Variants in MERTK observed in about 807,000 individuals in gnomAD.
MERTK encodes MER proto-oncogene, tyrosine kinase.
Under a neutral mutation model 99.3 loss-of-function variants are expected in MERTK, and 69 were observed. That is an observed-to-expected ratio of 0.70 (90% CI 0.57 to 0.85). The LOEUF is 0.85. Among genes scored for constraint, MERTK ranks in the 40% least tolerant of loss-of-function variants. The probability of loss-of-function intolerance (pLI) is 0.00; values close to 1 mark genes in which losing one functional copy is unlikely to be tolerated. For synonymous variants in MERTK, 426 were observed against 467.6 expected, an observed-to-expected ratio of 0.91 and a Z score of 1.15; for missense variants, 1,125 against 1,249.4, an observed-to-expected ratio of 0.90 and a Z score of 1.50.
chr2:111,953,736 C>T (rs981879159), intron 4 of MERTK, among the ~76,000 whole-genome samples: 4 of 152,094 alleles, frequency 2.6e-5, no homozygotes, highest in Admixed American at 1.3e-4. Context: ...CTATCATGCC[C>T]GGCTCATTTT....
At position 111,898,643 on chromosome 2, in the gene MERTK, G is replaced by T; in HGVS notation, c.-93G>T. On this transcript the variant is annotated 5_prime_UTR_variant, in exon 1 of 19. Transcript: ENST00000295408. ...ACTGCCCGGGCCGCCCGGACAGGGA[G>T]CTTCGCTGGCGCGCTTGGCCGGCGA... The T allele has an allele frequency of 6.8e-7, 1 of 1,469,890 alleles. No individual in the cohort carries two copies. The highest frequency in any genetic ancestry group is 9.3e-7 in the Non-Finnish European group (1 of 1,074,290). 91.1% of individuals were successfully genotyped at this position (1,469,890 alleles called of 1,614,324 possible).
chr2:111,924,666 G>T (rs1421795802), intron 1 of MERTK, among the ~76,000 whole-genome samples: 1 of 152,102 alleles, frequency 6.6e-6, no homozygotes, highest in East Asian at 1.9e-4. Flanking sequence ...AACTTCTCCT[G>T]CCTCGACTGG....
chr2:111,966,283 A>G (rs1685356634), intron 5 of MERTK, among the ~76,000 whole-genome samples: 1 of 152,198 alleles, frequency 6.6e-6, no homozygotes, highest in Non-Finnish European at 1.5e-5. Context: ...AGTTATACTC[A>G]AAAAAGATGC....
In MERTK at chr2:112,028,921, T is replaced by A. The variant is rs886054760; in HGVS notation, c.*57T>A. 1.9e-5 allele frequency: 30 copies of A among 1,610,868 alleles called. No homozygotes were observed. The Admixed American group carries it at 4.9e-4, about 26-fold the overall frequency. On this transcript the variant is annotated 3_prime_UTR_variant, in exon 19 of 19. Transcript: ENST00000295408. ...AGCCAATTCTTCTGCTGTAGGAGAA[T>A]CCAATTGTACCTGATGTTTTTGGTA...
intron 2 of MERTK, among the ~76,000 whole-genome samples, chr2:111,931,705 G>A (rs994842901): frequency 4.1e-5 from 6 of 146,504 alleles, no homozygotes; most frequent in African/African-American, 1.5e-4. Flanking sequence ...AAAAAAAAAA[G>A]AAGTGAATGA....
chr2:111,934,057 C>T (rs2104691747), intron 2 of MERTK, among the ~76,000 whole-genome samples: 1 of 152,152 alleles, frequency 6.6e-6, no homozygotes, highest in Non-Finnish European at 1.5e-5. Flanking sequence ...TGAACTCATC[C>T]TTTTTTATGG....
At chr2:111,959,528 T>C (rs1207370027) in intron 4 of MERTK, among the ~76,000 whole-genome samples, 1 of 152,098 alleles carries the variant, frequency 6.6e-6, no homozygotes, top group East Asian at 1.9e-4. Context: ...CCTGACTCTG[T>C]CGCCCAGCCT....
intron 12 of MERTK, 118 bp from the exon 13 acceptor site, chr2:112,003,786 C>A: frequency 2.2e-6 from 2 of 913,060 alleles, no homozygotes; most frequent in Non-Finnish European, 3.6e-6. Flanking sequence ...CTCTGCCTGG[C>A]TGCCCGTGGG....
chr2:111,945,136 T>C (rs1684942099), intron 3 of MERTK, 76 bp downstream of exon 3: 2 of 1,175,768 alleles, frequency 1.7e-6, no homozygotes, highest in Admixed American at 1.8e-5. Flanking sequence ...TTGTGTATAA[T>C]ACTCTAGAGT....
intron 1 of MERTK, among the ~76,000 whole-genome samples, chr2:111,917,066 C>T (rs1214562481): frequency 6.6e-6 from 1 of 152,170 alleles, no homozygotes; most frequent in Non-Finnish European, 1.5e-5. Context: ...TCCCCAAACA[C>T]TAGAGTAGGG....
intron 4 of MERTK, among the ~76,000 whole-genome samples, chr2:111,950,756 C>G (rs1685040296): frequency 6.6e-6 from 1 of 152,080 alleles, no homozygotes; most frequent in Non-Finnish European, 1.5e-5. Context: ...GTCTTTTGCC[C>G]AATTCTATAA....
chr2:111,933,391 G>A (rs976243881), intron 2 of MERTK, among the ~76,000 whole-genome samples: 2 of 152,164 alleles, frequency 1.3e-5, no homozygotes, highest in Non-Finnish European at 2.9e-5. Flanking sequence ...CTGCAATTTT[G>A]CTGGAGTTGC....
intron 14 of MERTK, chr2:112,008,676 G>T: frequency 1.5e-6 from 1 of 672,754 alleles, no homozygotes; most frequent in Non-Finnish European, 2.7e-6. Context: ...GCATTTTCTG[G>T]ACGCTGATAG....
At position 112,028,687 on chromosome 2, in the gene MERTK, G is replaced by C; in HGVS notation, c.2823G>C (p.Leu941=). The C allele has an allele frequency of 6.2e-7, 1 of 1,614,198 alleles. No homozygotes were observed. The highest frequency in any genetic ancestry group is 8.5e-7 in the Non-Finnish European group (1 of 1,180,040). The change falls in exon 19 of 19, where the codon CTG becomes CTC. Residue 941 remains leucine (L), a synonymous_variant. Coordinates refer to ENST00000295408, the MANE Select transcript of MERTK (RefSeq NM_006343.3). The part of the protein sequence containing the change: ...LNGGSEEWED[L]TSAPSAAVTA... ...GGGGCAGTGAGGAATGGGAAGATCT[G>C]ACTTCTGCCCCCTCTGCTGCAGTCA...
chr2:111,980,837 G>T (rs911170038), intron 7 of MERTK, among the ~76,000 whole-genome samples: 1 of 152,162 alleles, frequency 6.6e-6, no homozygotes, highest in Non-Finnish European at 1.5e-5. Flanking sequence ...ATATTGGCTT[G>T]CTGAGTTAAT....
In MERTK at chr2:112,028,654, C is replaced by A; in HGVS notation, c.2790C>A (p.Ile930=). 6.2e-7 allele frequency: 1 copy of A among 1,614,172 alleles called. No individual in the cohort carries two copies. The highest frequency in any genetic ancestry group is 8.5e-7 in the Non-Finnish European group (1 of 1,180,040). The change falls in exon 19 of 19, where the codon ATC becomes ATA. Residue 930 remains isoleucine, a synonymous_variant. Coordinates refer to ENST00000295408, the MANE Select transcript of MERTK (RefSeq NM_006343.3). Reference sequence around the variant, plus strand: ...GCAAACCTCATGAAGGACGGTACATCCTGAATGGGGGCAGTGAGGAATGGG... The same window carrying A: ...GCAAACCTCATGAAGGACGGTACATACTGAATGGGGGCAGTGAGGAATGGG... ...HDSKPHEGRY[I]LNGGSEEWED... is the part of the protein sequence containing the mutation.
chr2:112,021,881 C>G (rs747857587), intron 17 of MERTK, among the ~76,000 whole-genome samples: 19 of 152,112 alleles, frequency 1.2e-4, no homozygotes, highest in Admixed American at 3.3e-4. Flanking sequence ...TTCATAGTCA[C>G]ATTAAATTGA....
intron 4 of MERTK, among the ~76,000 whole-genome samples, chr2:111,964,273 C>T (rs994405512): frequency 6.6e-6 from 1 of 151,984 alleles, no homozygotes; most frequent in Non-Finnish European, 1.5e-5. Flanking sequence ...TAATCCAAAG[C>T]TACTTTATTT....
intron 6 of MERTK, among the ~76,000 whole-genome samples, chr2:111,968,956 A>G (rs1179919615): frequency 1.3e-5 from 2 of 152,194 alleles, no homozygotes; most frequent in Non-Finnish European, 2.9e-5. Context: ...GGGCCAGGAC[A>G]AGATAGGTCG....
Sources: allele counts gnomAD v4.1 joint callset (sites outside exome capture counted in the v4.1 genomes callset), GRCh38; gene constraint gnomAD v4.1.1; transcripts MANE v1.5; gene names NCBI Gene and HGNC (gene_info 2026-07-23, HGNC 2026-07-21).